The following CREBL2 variants were observed in gnomAD, a reference collection of about 807,000 sequenced individuals.
CREBL2 encodes cAMP-responsive element-binding protein-like 2.
CREBL2 carries 4 observed loss-of-function variants against 19.5 expected under a neutral mutation model. The observed-to-expected ratio is 0.20, with a 90% CI of 0.10 to 0.47. The LOEUF is 0.47. CREBL2 is among the 20% of genes least tolerant of loss of function. The pLI is 0.98. For synonymous variants in CREBL2, 42 were observed against 46.6 expected, an observed-to-expected ratio of 0.90 and a Z score of 0.40; for missense variants, 85 against 145.1, an observed-to-expected ratio of 0.59 and a Z score of 2.13.
chr12:12,633,978 G>A (rs754704368), intron 1 of CREBL2, among the ~76,000 whole-genome samples: 1 of 152,118 alleles, frequency 6.6e-6, no homozygotes, highest in Non-Finnish European at 1.5e-5. Context: ...TTTATTCTTC[G>A]AGGGCGATTT....
chr12:12,614,069 C>G (rs1003846658), intron 1 of CREBL2, among the ~76,000 whole-genome samples: 8 of 141,142 alleles, frequency 5.7e-5, no homozygotes, highest in African/African-American at 2.1e-4. Flanking sequence ...TCTCGGCTCA[C>G]TGCCGAGAAT....
At chr12:12,635,008 G>A (rs1945463972) in intron 1 of CREBL2, among the ~76,000 whole-genome samples, 1 of 151,820 alleles carries the variant, frequency 6.6e-6, no homozygotes, top group Non-Finnish European at 1.5e-5. Context: ...ACCGCAGTGA[G>A]CTATGATGGT....
chr12:12,612,245 G>A, intron 1 of CREBL2, 58 bp downstream of exon 1: 3 of 1,612,496 alleles, frequency 1.9e-6, no homozygotes, highest in Non-Finnish European at 2.5e-6. Flanking sequence ...CTAGTCCCGC[G>A]GCTGAACCTC....
In CREBL2 at chr12:12,615,285, C is replaced by T. The variant is rs573208227; in HGVS notation, c.15+3098C>T. Among the ~76,000 whole-genome samples, 73 of 151,852 alleles carry T rather than the reference C, an allele frequency of 4.8e-4. 3 individuals are homozygous for T. In the South Asian group the frequency reaches 0.014, roughly 28 times the overall value. On this transcript the variant is annotated intron_variant, in intron 1 of 3. Coordinates refer to ENST00000228865, the MANE Select transcript of CREBL2 (RefSeq NM_001310.4). ...CAGGCTGGTCTCGAACTCCTGGCCTCAAGTGATCCGCCCACCTCGGCCTCC... is the reference window on the plus strand; with the variant it reads ...CAGGCTGGTCTCGAACTCCTGGCCTTAAGTGATCCGCCCACCTCGGCCTCC...
rs180721612 is a variant in CREBL2 at position 12,612,940 on chromosome 12, C to G, written c.15+753C>G. 6.0e-4 allele frequency among the ~76,000 whole-genome samples: 91 copies of G among 152,282 alleles called. No homozygotes were observed. In the East Asian group the frequency reaches 0.016, roughly 27 times the overall value. On this transcript the variant is annotated intron_variant, in intron 1 of 3. Coordinates refer to ENST00000228865, the MANE Select transcript of CREBL2 (RefSeq NM_001310.4). ...AGGCTGGAGTGCAATGGCGCGATCT[C>G]GGCTCACCACAACCTCCGCCTCCCG...
chr12:12,640,567 G>A (rs1945509270), intron 3 of CREBL2, among the ~76,000 whole-genome samples: 1 of 152,108 alleles, frequency 6.6e-6, no homozygotes, highest in Non-Finnish European at 1.5e-5. Context: ...TGGTCCTGAG[G>A]TGACATACAT....
intron 1 of CREBL2, among the ~76,000 whole-genome samples, chr12:12,618,134 A>G (rs1169238292): frequency 1.3e-5 from 2 of 152,174 alleles, no homozygotes; most frequent in African/African-American, 4.8e-5. Flanking sequence ...TTTCTATTCG[A>G]CAAAACTGCC....
intron 1 of CREBL2, chr12:12,614,393 A>G (rs1488441703): frequency 6.5e-6 from 1 of 153,368 alleles, no homozygotes; most frequent in African/African-American, 2.4e-5. Context: ...AAGTTCTAGT[A>G]GCTCAGGCTG....
chr12:12,625,227 G>C (rs1945392775), intron 1 of CREBL2, among the ~76,000 whole-genome samples: 1 of 152,088 alleles, frequency 6.6e-6, no homozygotes, highest in African/African-American at 2.4e-5. Flanking sequence ...GGTTTTGTCG[G>C]GGACCCACCC....
At chr12:12,620,955 G>A (rs543147555) in intron 1 of CREBL2, among the ~76,000 whole-genome samples, 15 of 152,330 alleles carry the variant, frequency 9.8e-5, no homozygotes, top group African/African-American at 3.1e-4. Context: ...GTCGAGGAAC[G>A]TCAGACATGG....
intron 3 of CREBL2, among the ~76,000 whole-genome samples, chr12:12,641,247 A>ATTTTTTTTTTTTTTTTTT (rs1380373401): frequency 2.7e-4 from 6 of 22,066 alleles, no homozygotes; most frequent in East Asian, 1.1e-3. Context: ...TATTATTATT[A>ATTTTTTTTTTTTTTTTTT]TTATTATTTT....
At chr12:12,637,781 CTG>C in intron 3 of CREBL2, 67 bp downstream of exon 3, 8 of 1,470,028 alleles carry the variant, frequency 5.4e-6, no homozygotes, top group Non-Finnish European at 7.3e-6. Flanking sequence ...TGGCTCATGA[CTG>C]TAATCCTAGC....
At chr12:12,614,764 C>A in intron 1 of CREBL2, 2 of 341,032 alleles carry the variant, frequency 5.9e-6, no homozygotes, top group Non-Finnish European at 1.2e-5. Flanking sequence ...TGGCAAGAAT[C>A]TTTCCCTTTT....
intron 1 of CREBL2, among the ~76,000 whole-genome samples, chr12:12,619,164 T>TTGCTCCAGACTA (rs1255543279): frequency 1.3e-5 from 2 of 152,112 alleles, no homozygotes; most frequent in Non-Finnish European, 2.9e-5. Flanking sequence ...ACACTACCCT[T>TTGCTCCAGACTA]TGCTCCAGAC....
rs1473189804 is a variant in CREBL2 at position 12,643,668 on chromosome 12, T to C, written c.*1670T>C. ...TGGTTGCAAACTCAGATCTCTAGTC[T>C]AGTCTAGTCTAGTCTAGTCTAGTCA... On this transcript the variant is annotated 3_prime_UTR_variant, in exon 4 of 4. Transcript: ENST00000228865. 2.6e-5 allele frequency: 4 copies of C among 152,104 alleles called. No homozygotes were observed. The highest frequency in any genetic ancestry group is 9.7e-5 in the African/African-American group (4 of 41,428). 9.4% of individuals were successfully genotyped at this position (152,104 alleles called of 1,614,324 possible).
chr12:12,634,628 T>C (rs1017150910), intron 1 of CREBL2, among the ~76,000 whole-genome samples: 1 of 152,200 alleles, frequency 6.6e-6, no homozygotes. Context: ...ATCAGAGAAG[T>C]CTTCACTGAC....
chr12:12,613,364 C>T (rs1945282573), intron 1 of CREBL2, among the ~76,000 whole-genome samples: 1 of 152,238 alleles, frequency 6.6e-6, no homozygotes, highest in Non-Finnish European at 1.5e-5. Flanking sequence ...TCAGCGTCTT[C>T]TGTTTCACAG....
At chr12:12,637,786 A>C in intron 3 of CREBL2, 72 bp downstream of exon 3, 1 of 1,444,322 alleles carries the variant, frequency 6.9e-7, no homozygotes. Context: ...CATGACTGTA[A>C]TCCTAGCACT....
chr12:12,613,117 G>T (rs529177351), intron 1 of CREBL2, among the ~76,000 whole-genome samples: 2 of 152,162 alleles, frequency 1.3e-5, no homozygotes, highest in African/African-American at 2.4e-5. Context: ...GTGTCCGCTC[G>T]CCTCGGCCTC....
Sources: gnomAD v4.1 joint callset for allele counts (sites outside exome capture counted in the v4.1 genomes callset) on GRCh38, gnomAD v4.1.1 for gene constraint, MANE v1.5 for transcripts, NCBI Gene and HGNC (gene_info 2026-07-23, HGNC 2026-07-21) for gene names.